CFAP206: variants seen among roughly 807,000 people sequenced by gnomAD.
CFAP206 encodes cilia and flagella associated protein 206, also known as cilia- and flagella-associated protein 206.
In CFAP206, 53 loss-of-function variants were observed where a neutral mutation model predicts 65.4. The observed-to-expected ratio is 0.81, with a 90% confidence interval of 0.65 to 1.02. The LOEUF (loss-of-function observed/expected upper bound fraction) is 1.02, where lower values mean the gene tolerates loss of function less well. Among genes scored for constraint, CFAP206 ranks in the 50% least tolerant of loss-of-function variants. CFAP206 has a pLI of 0.00. For synonymous variants in CFAP206, 250 were observed against 254.4 expected (o/e 0.98, Z 0.17); for missense variants, 663 against 753.2 (o/e 0.88, Z 1.40).
At position 87,450,190 on chromosome 6, in the gene CFAP206, C is replaced by A. The variant is rs893855456; in HGVS notation, c.1495-10832C>A. ...TTCTATTAGTCTCTGTGTTTTTATGCGAATACCATGCTCTTTTGGTTACTA... is the reference window on the plus strand; with the variant it reads ...TTCTATTAGTCTCTGTGTTTTTATGAGAATACCATGCTCTTTTGGTTACTA... On this transcript the variant is annotated intron_variant, in intron 11 of 12. Transcript: ENST00000369562. Among the ~76,000 whole-genome samples the A allele has an allele frequency of 4.2e-4, 64 of 152,132 alleles. 1 individual carries two copies. The highest frequency in any genetic ancestry group is 1.4e-3 in the African/African-American group (59 of 41,532).
In CFAP206 at chr6:87,455,619, T is replaced by G. The variant is rs111633415; in HGVS notation, c.1495-5403T>G. On this transcript the variant is annotated intron_variant, in intron 11 of 12. Coordinates refer to ENST00000369562, the MANE Select transcript of CFAP206 (RefSeq NM_001031743.3). ...CAAATTGTTAGTCAATAGTTACACT[T>G]TAGCCAGGCTAGGAAAACATGAGAG... 7.4e-3 allele frequency among the ~76,000 whole-genome samples: 1,125 copies of G among 152,208 alleles called. 21 individuals carry two copies. Among genetic ancestry groups the G allele is most frequent in the African/African-American group, 0.026 (1,072 of 41,532 alleles).
intron 11 of CFAP206, among the ~76,000 whole-genome samples, chr6:87,455,808 G>A (rs1768630006): frequency 6.6e-6 from 1 of 152,128 alleles, no homozygotes; most frequent in African/African-American, 2.4e-5. Flanking sequence ...ATTGAACCAT[G>A]AAGAAATACA....
Position 87,428,287 on chromosome 6 carries a change from C to T in CFAP206, c.961-339C>T, listed in dbSNP as rs75443497. Among the ~76,000 whole-genome samples, 14 of 141,266 alleles carry T rather than the reference C, an allele frequency of 9.9e-5. No homozygotes were observed. The East Asian group carries it at 2.2e-3, about 23-fold the overall frequency. The allele number at this position is 141,266 out of a possible 152,430, so 92.7% of individuals were successfully genotyped here. ...ACAGGTGTGAGCTACTGTGCCTGGC[C>T]GTATTTTTTTTTTTTTCTTAAGACA... On this transcript the variant is annotated intron_variant, in intron 8 of 12. Coordinates refer to ENST00000369562, the MANE Select transcript of CFAP206 (RefSeq NM_001031743.3).
Position 87,413,831 on chromosome 6 carries a change from G to A in CFAP206, c.214G>A (p.Asp72Asn), listed in dbSNP as rs35438647. The A allele has an allele frequency of 0.018, 27,695 of 1,567,412 alleles. 279 individuals carry two copies. The highest frequency in any genetic ancestry group is 0.02 in the Non-Finnish European group (23,811 of 1,161,674). Reference sequence around the variant, plus strand: ...CTAGCTTTGTATGACTCGGCTATTGGATACTAAAAATCCATCCCTGGACAC... The same window carrying A: ...CTAGCTTTGTATGACTCGGCTATTGAATACTAAAAATCCATCCCTGGACAC... ...LVKLCMTRLL[D>N]TKNPSLDTIK... The change falls in exon 4 of 13, where the codon GAT (aspartate) becomes AAT (asparagine). Residue 72 changes from aspartate to asparagine, a missense_variant. Asp to Asn is a conservative substitution (Grantham distance 23). Coordinates refer to ENST00000369562, the MANE Select transcript of CFAP206 (RefSeq NM_001031743.3).
At chr6:87,418,110 C>G in intron 6 of CFAP206, 98 bp from the exon 7 acceptor site, 6 of 1,076,918 alleles carry the variant, frequency 5.6e-6, no homozygotes, top group Non-Finnish European at 8.2e-6. Flanking sequence ...GGAGAAAAAC[C>G]CTAACTTAAT....
chr6:87,416,118 AG>A (rs1200485155), intron 5 of CFAP206, among the ~76,000 whole-genome samples: 1 of 152,192 alleles, frequency 6.6e-6, no homozygotes, highest in African/African-American at 2.4e-5. Flanking sequence ...GTACATATCT[AG>A]GCACCTATTA....
At chr6:87,412,937 G>A (rs1018965548) in intron 3 of CFAP206, among the ~76,000 whole-genome samples, 3 of 152,124 alleles carry the variant, frequency 2.0e-5, no homozygotes, top group Non-Finnish European at 4.4e-5. Context: ...TGGGATTACG[G>A]GTGTGAGCCA....
chr6:87,439,157 T>C (rs993451081), intron 11 of CFAP206, among the ~76,000 whole-genome samples: 3 of 152,206 alleles, frequency 2.0e-5, no homozygotes, highest in African/African-American at 7.2e-5. Context: ...ACTAATGAAA[T>C]AATATGTGGG....
chr6:87,429,093 G>C (rs1768109854), intron 9 of CFAP206, among the ~76,000 whole-genome samples: 1 of 152,184 alleles, frequency 6.6e-6, no homozygotes, highest in South Asian at 2.1e-4. Flanking sequence ...GGGCATGGTG[G>C]TGGGCGCCTG....
intron 11 of CFAP206, 36 bp from the exon 12 acceptor site, chr6:87,460,986 T>C: frequency 6.5e-7 from 1 of 1,536,266 alleles, no homozygotes; most frequent in East Asian, 2.5e-5. Flanking sequence ...ATGTTTATTT[T>C]TTACAAGCAC....
At chr6:87,408,912 A>G (rs1335942819) in intron 1 of CFAP206, 1 of 152,164 alleles carries the variant, frequency 6.6e-6, no homozygotes, top group Admixed American at 6.5e-5. Flanking sequence ...TCTACCTGAT[A>G]TTGCCTTTGT....
At chr6:87,412,617 G>A (rs905862861) in intron 3 of CFAP206, among the ~76,000 whole-genome samples, 1 of 151,932 alleles carries the variant, frequency 6.6e-6, no homozygotes, top group African/African-American at 2.4e-5. Flanking sequence ...GAAGAGAGGG[G>A]GGTGGTTGCA....
intron 10 of CFAP206, among the ~76,000 whole-genome samples, chr6:87,432,456 CCCCTCCTGCCTCCCCCTCTCCATT>C (rs769819849): frequency 6.6e-6 from 1 of 152,166 alleles, no homozygotes; most frequent in Non-Finnish European, 1.5e-5. Context: ...CTCTCTCCCT[CCCCTCCTGCCTCCCCCTCTCCATT>C]CCTTCCTTCC....
At chr6:87,413,774 T>G (rs947158483) in intron 3 of CFAP206, 36 bp from the exon 4 acceptor site, 2 of 1,250,126 alleles carry the variant, frequency 1.6e-6, no homozygotes, top group Admixed American at 4.6e-5. Context: ...TCTCAAAAAC[T>G]ATAACTAGAA....
At position 87,409,932 on chromosome 6, in the gene CFAP206, T is replaced by C. The variant is rs763630568; in HGVS notation, c.93T>C (p.Thr31=). ...CAAHGEIVSE[T]LIAFMVKAVV... ...CCCATGGAGAGATTGTTTCTGAAAC[T>C]CTGATTGCTTTTATGGTAAGAAGAA... Residue 31 remains threonine (T), a synonymous_variant, in exon 2 of 13, where the codon ACT becomes ACC. Transcript: ENST00000369562. 1.9e-6 allele frequency: 3 copies of C among 1,606,586 alleles called. No individual in the cohort carries two copies. Among genetic ancestry groups the C allele is most frequent in the Admixed American group, 1.7e-5 (1 of 59,420 alleles).
intron 11 of CFAP206, chr6:87,444,283 C>A: frequency 4.8e-6 from 1 of 207,646 alleles, no homozygotes. Context: ...TCAAAGCACC[C>A]CAGTTCTCTT....
intron 11 of CFAP206, among the ~76,000 whole-genome samples, chr6:87,458,658 G>C (rs1022338454): frequency 1.3e-5 from 2 of 151,950 alleles, no homozygotes; most frequent in African/African-American, 4.8e-5. Context: ...CCAGAGGGCT[G>C]GTAAAGGTAG....
intron 3 of CFAP206, among the ~76,000 whole-genome samples, chr6:87,412,083 C>T (rs994517295): frequency 2.0e-5 from 3 of 152,166 alleles, no homozygotes; most frequent in African/African-American, 4.8e-5. Flanking sequence ...TTCCATTCCC[C>T]CCAATTCCCC....
chr6:87,412,122 C>G (rs1767744975), intron 3 of CFAP206, among the ~76,000 whole-genome samples: 1 of 152,130 alleles, frequency 6.6e-6, no homozygotes, highest in South Asian at 2.1e-4. Flanking sequence ...AGAATCAAGC[C>G]AATATACTTT....
Sources: allele counts gnomAD v4.1 joint callset (sites outside exome capture counted in the v4.1 genomes callset), GRCh38; gene constraint gnomAD v4.1.1; transcripts MANE v1.5; gene names NCBI Gene and HGNC (gene_info 2026-07-23, HGNC 2026-07-21).